Variants in TANC2 observed in about 807,000 individuals in gnomAD.
The protein encoded by TANC2 is protein TANC2.
TANC2 carries 26 observed loss-of-function variants against 210.5 expected under a neutral mutation model. The ratio of observed to expected loss-of-function variants is 0.12; its 90% confidence interval spans 0.09 to 0.17. The LOEUF (loss-of-function observed/expected upper bound fraction) is 0.17, where lower values mean the gene tolerates loss of function less well. Ranked by LOEUF, TANC2 falls within the 10% of genes least tolerant of loss-of-function variation. TANC2 has a pLI of 1.00. For synonymous variants in TANC2, 931 were observed against 967.1 expected, an observed-to-expected ratio of 0.96 and a Z score of 0.69; for missense variants, 2,129 against 2,608.9, an observed-to-expected ratio of 0.82 and a Z score of 4.01.
chr17:63,262,805 T>G (rs1195077033), intron 8 of TANC2, among the ~76,000 whole-genome samples: 1 of 152,166 alleles, frequency 6.6e-6, no homozygotes, highest in Admixed American at 6.5e-5. Context: ...AAAGAATTCA[T>G]GGAAACATTA....
intron 2 of TANC2, among the ~76,000 whole-genome samples, chr17:63,019,325 C>T (rs1254104003): frequency 6.8e-6 from 1 of 147,766 alleles, no homozygotes; most frequent in Non-Finnish European, 1.5e-5. Context: ...TCAAACAATT[C>T]TTATGCCTCA....
In TANC2 at chr17:63,379,971, TC is replaced by T. The variant is rs2047552749; in HGVS notation, c.2691+147del. 6.4e-6 allele frequency: 4 copies of T among 627,680 alleles called. No homozygotes were observed. The South Asian group carries it at 8.3e-5, about 13-fold the overall frequency. 38.9% of individuals were successfully genotyped at this position (627,680 alleles called of 1,614,324 possible). A position where few individuals can be genotyped will look rare whatever the true frequency, so the allele number is the denominator to read the frequency against. On this transcript the variant is annotated intron_variant, in intron 15 of 27. Transcript: ENST00000689528. ...TCATCTCCCAACACGTATGGCCTGT[TC>T]CTCCCTAGGCCTTTAGAACTACATT...
chr17:63,246,258 T>G (rs1254900611), intron 8 of TANC2, among the ~76,000 whole-genome samples: 2 of 151,994 alleles, frequency 1.3e-5, no homozygotes, highest in Non-Finnish European at 2.9e-5. Context: ...TTTTTTGTTT[T>G]TTTTTCTAAA....
chr17:63,218,441 A>G (rs1189203863), intron 7 of TANC2, among the ~76,000 whole-genome samples: 1 of 152,188 alleles, frequency 6.6e-6, no homozygotes, highest in African/African-American at 2.4e-5. Context: ...TATCACTTTT[A>G]TTCAATATTA....
intron 2 of TANC2, among the ~76,000 whole-genome samples, chr17:63,060,199 A>G (rs1044870495): frequency 5.9e-5 from 9 of 152,188 alleles, no homozygotes; most frequent in African/African-American, 1.9e-4. Context: ...ACCACCACCA[A>G]TTATTGAAAT....
chr17:63,304,934 G>C (rs1004485019), intron 9 of TANC2, among the ~76,000 whole-genome samples: 1 of 152,182 alleles, frequency 6.6e-6, no homozygotes, highest in Non-Finnish European at 1.5e-5. Context: ...CCCTTGCTCC[G>C]GCAGGGGAAA....
chr17:63,299,230 C>G (rs1332425614), intron 9 of TANC2, among the ~76,000 whole-genome samples: 1 of 152,210 alleles, frequency 6.6e-6, no homozygotes, highest in Non-Finnish European at 1.5e-5. Context: ...CTGCAATAAA[C>G]ATATGTGTGC....
At chr17:63,311,788 C>T (rs1261394447) in intron 9 of TANC2, among the ~76,000 whole-genome samples, 3 of 152,080 alleles carry the variant, frequency 2.0e-5, no homozygotes. Context: ...GAATATTATT[C>T]AGCAATAAAG....
chr17:63,275,939 C>T (rs2043858241), intron 9 of TANC2, among the ~76,000 whole-genome samples: 1 of 152,074 alleles, frequency 6.6e-6, no homozygotes, highest in East Asian at 1.9e-4. Context: ...CACTCTTAAC[C>T]TATTTTGATG....
intron 11 of TANC2, among the ~76,000 whole-genome samples, chr17:63,328,565 A>G (rs1224241154): frequency 6.6e-6 from 1 of 151,894 alleles, no homozygotes; most frequent in East Asian, 1.9e-4. Flanking sequence ...TCTTTCTTAT[A>G]TGTGGAATCT....
chr17:63,315,077 C>T (rs1342303927), intron 10 of TANC2, among the ~76,000 whole-genome samples: 2 of 152,132 alleles, frequency 1.3e-5, no homozygotes, highest in Non-Finnish European at 2.9e-5. Context: ...CTGTTGGCGT[C>T]AGTGTTGCAC....
chr17:62,982,215 A>G (rs906681242), intron 1 of TANC2, among the ~76,000 whole-genome samples: 2 of 152,208 alleles, frequency 1.3e-5, no homozygotes, highest in Admixed American at 6.5e-5. Flanking sequence ...ATCATGAGTC[A>G]TCTTGTTAGC....
At chr17:63,226,098 A>G (rs2042321773) in intron 7 of TANC2, among the ~76,000 whole-genome samples, 1 of 152,194 alleles carries the variant, frequency 6.6e-6, no homozygotes, top group East Asian at 1.9e-4. Context: ...ACTGTGTCAC[A>G]AATCTATTTT....
chr17:63,309,286 C>T (rs1210190843), intron 9 of TANC2, among the ~76,000 whole-genome samples: 6 of 152,088 alleles, frequency 3.9e-5, no homozygotes, highest in African/African-American at 1.4e-4. Flanking sequence ...TGCAAAATGT[C>T]GGTTCTCTAA....
Position 63,054,479 on chromosome 17 carries a change from C to T in TANC2, c.68-19464C>T, listed in dbSNP as rs186846874. ...CTCTGACTCCCTGGTTCAAGCAATT[C>T]TCTTGCCTCAGCCTCCCGAGTAGCT... On this transcript the variant is annotated intron_variant, in intron 2 of 27. Coordinates refer to ENST00000689528, the Ensembl canonical transcript of TANC2. Among the ~76,000 whole-genome samples the T allele has an allele frequency of 1.1e-4, 16 of 152,096 alleles. No individual in the cohort carries two copies. In the East Asian group the frequency reaches 2.9e-3, roughly 28 times the overall value.
intron 1 of TANC2, among the ~76,000 whole-genome samples, chr17:62,982,688 T>A (rs1250187838): frequency 2.6e-5 from 4 of 152,224 alleles, no homozygotes; most frequent in Non-Finnish European, 4.4e-5. Context: ...GCGTTGTTGC[T>A]ACCACCATTT....
At chr17:63,235,988 AGTT>A (rs987026050) in intron 7 of TANC2, among the ~76,000 whole-genome samples, 1 of 152,082 alleles carries the variant, frequency 6.6e-6, no homozygotes, top group Non-Finnish European at 1.5e-5. Context: ...AAATCCATAA[AGTT>A]AGAGCTACAG....
intron 4 of TANC2, among the ~76,000 whole-genome samples, chr17:63,121,379 G>GT (rs1482635663): frequency 1.3e-5 from 2 of 152,064 alleles, no homozygotes; most frequent in Non-Finnish European, 2.9e-5. Flanking sequence ...AAAGCATCTA[G>GT]TATAGTACTT....
intron 6 of TANC2, among the ~76,000 whole-genome samples, chr17:63,195,306 A>G (rs182028362): frequency 7.9e-5 from 12 of 152,222 alleles, no homozygotes; most frequent in Non-Finnish European, 1.2e-4. Flanking sequence ...TTAACATGTC[A>G]GATTTCTCCC....
Sources: allele counts gnomAD v4.1 joint callset (sites outside exome capture counted in the v4.1 genomes callset), GRCh38; gene constraint gnomAD v4.1.1; transcripts MANE v1.5; gene names NCBI Gene and HGNC (gene_info 2026-07-23, HGNC 2026-07-21).